Variants in HTT observed in about 807,000 individuals in gnomAD.
The protein encoded by HTT is huntington disease protein.
A neutral mutation model predicts 362.3 loss-of-function variants in HTT; 104 were observed. The ratio of observed to expected loss-of-function variants is 0.29; its 90% confidence interval spans 0.24 to 0.34. HTT has a LOEUF of 0.34. HTT is among the 10% of genes least tolerant of loss of function. HTT has a pLI of 1.00. For missense variants in HTT, 3,301 were observed against 3,928.6 expected, an observed-to-expected ratio of 0.84 and a Z score of 4.27; for synonymous variants, 1,577 against 1,548.7, an observed-to-expected ratio of 1.02 and a Z score of -0.43.
At chr4:3,099,964 G>T (rs1403452312) in intron 3 of HTT, among the ~76,000 whole-genome samples, 1 of 152,138 alleles carries the variant, frequency 6.6e-6, no homozygotes, top group Non-Finnish European at 1.5e-5. Flanking sequence ...GTGCTCTATT[G>T]TATGGTTTGG....
rs1266601661 is a variant in HTT at position 3,180,615 on chromosome 4, G to A, written c.4713G>A (p.Val1571=). Residue 1571 remains valine, a synonymous_variant, in exon 36 of 67, where the codon GTG becomes GTA. Coordinates refer to ENST00000355072, the MANE Select transcript of HTT (RefSeq NM_001388492.1). The part of the protein sequence containing the change: ...GKELETQKEV[V]VSMLLRLIQY... ...AGCTTGAAACCCAAAAAGAGGTGGTGGTGTCAATGTTACTGAGACTCATCC... is the reference window on the plus strand; with the variant it reads ...AGCTTGAAACCCAAAAAGAGGTGGTAGTGTCAATGTTACTGAGACTCATCC... 6.2e-7 allele frequency: 1 copy of A among 1,613,300 alleles called. No individual in the cohort carries two copies. Among genetic ancestry groups the A allele is most frequent in the Non-Finnish European group, 8.5e-7 (1 of 1,179,758 alleles).
chr4:3,212,766 C>A, intron 49 of HTT, 57 bp downstream of exon 49: 1 of 1,579,396 alleles, frequency 6.3e-7, no homozygotes, highest in Non-Finnish European at 8.7e-7. Context: ...GGGGCTGACA[C>A]TGAAGAGGGT....
Position 3,116,121 on chromosome 4 carries a change from T to C in HTT, c.926T>C (p.Leu309Pro), listed in dbSNP as rs748268128. The change falls in exon 8 of 67, where the codon CTG becomes CCG. Residue 309 changes from leucine to proline, a missense_variant. By Grantham distance (98) the Leu-to-Pro change is moderately conservative (BLOSUM62 -3). Coordinates refer to ENST00000355072, the MANE Select transcript of HTT (RefSeq NM_001388492.1). ...LVPVEDEHST[L>P]LILGVLLTLR... is the part of the protein sequence containing the mutation. The stretch of plus-strand genomic sequence containing the variant: ...CCTGTCGAGGATGAACACTCCACTC[T>C]GCTGATTCTTGGCGTGCTGCTCACC... 13 of 1,613,510 alleles carry C rather than the reference T, an allele frequency of 8.1e-6. No homozygotes were observed. Among genetic ancestry groups the C allele is most frequent in the South Asian group, 1.1e-5 (1 of 91,052 alleles).
Position 3,228,331 on chromosome 4 carries a change from C to T in HTT, c.7849-284C>T. ...ATGTCACTTAGGAGTGAAAGCATCC[C>T]TTCGTAGAGCCTCTTTCTGTGTCAC... On this transcript the variant is annotated intron_variant, in intron 57 of 66. Transcript: ENST00000355072. This position sits in a 1 kb window ranked among gnomAD's most constrained non-coding sequence, Gnocchi z 4.3. 6.6e-6 allele frequency among the ~76,000 whole-genome samples: 1 copy of T among 152,208 alleles called. No individual in the cohort carries two copies. Among genetic ancestry groups the T allele is most frequent in the East Asian group, 1.9e-4 (1 of 5,204 alleles).
At chr4:3,212,903 A>T in intron 49 of HTT, 194 bp downstream of exon 49, 3 of 602,344 alleles carry the variant, frequency 5.0e-6, no homozygotes, top group African/African-American at 1.9e-5. Context: ...GCCACTCCTC[A>T]TGGTGGCCTG....
In HTT at chr4:3,074,728, A is replaced by T. The variant is rs1188138849; in HGVS notation, c.-98A>T. ...GGACGGCCGCTCAGGTTCTGCTTTT[A>T]CCTGCGGCCCAGAGCCCCATTCATT... On this transcript the variant is annotated 5_prime_UTR_variant, in exon 1 of 67. Transcript: ENST00000355072. The T allele has an allele frequency of 7.7e-7, 1 of 1,306,242 alleles. No individual in the cohort carries two copies. The highest frequency in any genetic ancestry group is 1.0e-6 in the Non-Finnish European group (1 of 977,806). 80.9% of individuals were successfully genotyped at this position (1,306,242 alleles called of 1,614,324 possible). A position where few individuals can be genotyped will look rare whatever the true frequency, so the allele number is the denominator to read the frequency against.
intron 53 of HTT, 51 bp downstream of exon 53, chr4:3,220,359 A>G (rs1315336039): frequency 4.4e-6 from 7 of 1,583,036 alleles, no homozygotes; most frequent in East Asian, 2.3e-5. Flanking sequence ...ATCTACCGGG[A>G]GGAAATCCAG....
intron 27 of HTT, among the ~76,000 whole-genome samples, chr4:3,155,751 A>AG (rs1717111464): frequency 6.8e-6 from 1 of 146,872 alleles, no homozygotes; most frequent in Non-Finnish European, 1.5e-5. Context: ...AAAAAAAAAA[A>AG]GCCGGGCATG....
intron 21 of HTT, among the ~76,000 whole-genome samples, chr4:3,140,204 T>C (rs1386588268): frequency 6.8e-6 from 1 of 147,996 alleles, no homozygotes; most frequent in African/African-American, 2.5e-5. Flanking sequence ...GAGGTTGCAG[T>C]GAGCCAAGAT....
rs1203386952 is a variant in HTT, at chr4:3,238,627, A to T, written c.9054+18A>T. On this transcript the variant is annotated intron_variant, in intron 65 of 66. Coordinates refer to ENST00000355072, the MANE Select transcript of HTT (RefSeq NM_001388492.1). ...TGTATAAGGTGAGGTTGCATGTGGG[A>T]TGGGGATGGAGTGGGAAAGCCTGGA... The T allele has an allele frequency of 1.3e-6, 2 of 1,585,440 alleles. No individual in the cohort carries two copies. The highest frequency in any genetic ancestry group is 3.5e-5 in the Admixed American group (2 of 57,228).
chr4:3,179,053 T>C (rs1291911685), intron 35 of HTT, among the ~76,000 whole-genome samples: 1 of 152,214 alleles, frequency 6.6e-6, no homozygotes, highest in Non-Finnish European at 1.5e-5. Flanking sequence ...GACCCCTCCC[T>C]GACTCCTTTG....
chr4:3,195,622 G>A (rs1719214003), intron 40 of HTT, among the ~76,000 whole-genome samples: 1 of 152,058 alleles, frequency 6.6e-6, no homozygotes, highest in Non-Finnish European at 1.5e-5. Context: ...CACGTTCTCA[G>A]TGCCACTGTT....
At chr4:3,205,791 C>G (rs1719829968) in intron 42 of HTT, among the ~76,000 whole-genome samples, 1 of 152,190 alleles carries the variant, frequency 6.6e-6, no homozygotes, top group East Asian at 1.9e-4. Flanking sequence ...TCAACCTGTA[C>G]TGTCAGATGA....
intron 52 of HTT, among the ~76,000 whole-genome samples, chr4:3,219,935 G>A (rs992279445): frequency 6.6e-6 from 1 of 151,900 alleles, no homozygotes; most frequent in Non-Finnish European, 1.5e-5. Context: ...TGAGTGGGGT[G>A]TGCCAGCAGC....
At chr4:3,103,688 C>G (rs1714272372) in intron 3 of HTT, 136 bp from the exon 4 acceptor site, 2 of 621,718 alleles carry the variant, frequency 3.2e-6, no homozygotes, top group Admixed American at 2.6e-5. Context: ...TTCTTTCATT[C>G]TTAATGAATA....
In HTT at chr4:3,218,020, A is replaced by C. The variant is rs1720498176; in HGVS notation, c.7242+68A>C. 2 of 1,369,002 alleles carry C rather than the reference A, an allele frequency of 1.5e-6. No individual in the cohort carries two copies. Among genetic ancestry groups the C allele is most frequent in the East Asian group, 4.7e-5 (2 of 42,442 alleles). 84.8% of individuals were successfully genotyped at this position (1,369,002 alleles called of 1,614,324 possible). A position where few individuals can be genotyped will look rare whatever the true frequency, so the allele number is the denominator to read the frequency against. ...GGCACCGGTAGGCCCTGGGCTGGGC[A>C]CACGTGAGAGGGCGGGACAGAATCC... On this transcript the variant is annotated intron_variant, in intron 52 of 66. Coordinates refer to ENST00000355072, the MANE Select transcript of HTT (RefSeq NM_001388492.1). The surrounding 1 kb of genome is among the most constrained non-coding windows in gnomAD (Gnocchi z 4.4).
Position 3,121,397 on chromosome 4 carries a change from G to T in HTT, c.1238G>T (p.Gly413Val), listed in dbSNP as rs189018320. Residue 413 changes from glycine to valine, a missense_variant, in exon 9 of 67, where the codon GGC (glycine) becomes GTC (valine). Around this residue, in one of 4 missense-constraint regions of HTT, gnomAD observed 2,316 missense variants for 2,658.5 expected, o/e 0.87. Transcript: ENST00000355072. ...QLTAAKEESG[G>V]RSRSGSIVEL... ...ACCGCTGCTAAGGAGGAGTCTGGTGGCCGAAGCCGTAGTGGGAGTATTGTG... is the reference window on the plus strand; with the variant it reads ...ACCGCTGCTAAGGAGGAGTCTGGTGTCCGAAGCCGTAGTGGGAGTATTGTG... The T allele has an allele frequency of 6.2e-7, 1 of 1,614,140 alleles. No homozygotes were observed. The highest frequency in any genetic ancestry group is 2.2e-5 in the East Asian group (1 of 44,882).
chr4:3,180,841 T>TG (rs1718486660), intron 36 of HTT, 190 bp downstream of exon 36: 1 of 132,896 alleles, frequency 7.5e-6, no homozygotes, highest in Middle Eastern at 2.9e-3. Flanking sequence ...GTGGTGGAGT[T>TG]GGGGAGGTGC....
At position 3,240,021 on chromosome 4, in the gene HTT, A is replaced by G. The variant is rs770497692; in HGVS notation, c.9391A>G (p.Thr3131Ala). The change falls in exon 67 of 67, where the codon ACT (threonine) becomes GCT (alanine). Residue 3131 changes from threonine (T) to alanine (A), a missense_variant. Thr to Ala is a moderately conservative substitution (Grantham distance 58). This residue lies in a region of HTT where 753 missense variants were observed against 1,021.3 expected (regional missense o/e 0.74). Coordinates refer to ENST00000355072, the MANE Select transcript of HTT (RefSeq NM_001388492.1). The part of the protein sequence containing the change: ...APGSPYHRLL[T>A]CLRNVHKVTT... ...AGGAAGCCCATATCACCGGCTGCTGACTTGTTTACGAAATGTCCACAAGGT... is the reference window on the plus strand; with the variant it reads ...AGGAAGCCCATATCACCGGCTGCTGGCTTGTTTACGAAATGTCCACAAGGT... 1.3e-6 allele frequency: 2 copies of G among 1,599,908 alleles called. No homozygotes were observed. Among genetic ancestry groups the G allele is most frequent in the Non-Finnish European group, 1.7e-6 (2 of 1,172,834 alleles).
Sources: gnomAD v4.1 joint callset for allele counts (sites outside exome capture counted in the v4.1 genomes callset) on GRCh38, gnomAD v4.1.1 for gene constraint, gnomAD v4.1.1 regional missense constraint, Gnocchi (gnomAD v3.1) non-coding constraint, MANE v1.5 for transcripts, NCBI Gene and HGNC (gene_info 2026-07-23, HGNC 2026-07-21) for gene names.